POLQ: variants seen among roughly 807,000 people sequenced by gnomAD.
The protein encoded by POLQ is DNA polymerase theta, also known as epididymis secretory sperm binding protein.
A neutral mutation model predicts 259.2 loss-of-function variants in POLQ; 233 were observed. The ratio of observed to expected loss-of-function variants is 0.90; its 90% CI spans 0.81 to 1.00. POLQ has a LOEUF of 1.00. Among genes scored for constraint, POLQ ranks in the 50% least tolerant of loss-of-function variants. The pLI, the probability that POLQ is intolerant of heterozygous loss-of-function variation, is 0.00. For synonymous variants in POLQ, 1,025 were observed against 1,048.8 expected (o/e 0.98, Z 0.44); for missense variants, 2,871 against 3,051.6 (o/e 0.94, Z 1.39).
At chr3:121,486,045 A>C (rs2048008280) in intron 16 of POLQ, among the ~76,000 whole-genome samples, 1 of 152,204 alleles carries the variant, frequency 6.6e-6, no homozygotes, top group African/African-American at 2.4e-5. Context: ...TATTTGACCA[A>C]AAGGTTCAAC....
intron 5 of POLQ, among the ~76,000 whole-genome samples, chr3:121,533,572 A>C (rs148428899): frequency 0.024 from 3,576 of 152,082 alleles, 136 homozygotes; most frequent in African/African-American, 0.082. Flanking sequence ...CTGGAGTGCA[A>C]TGGACCTGTC....
intron 25 of POLQ, among the ~76,000 whole-genome samples, chr3:121,453,402 C>G (rs931538286): frequency 6.6e-6 from 1 of 152,164 alleles, no homozygotes; most frequent in East Asian, 1.9e-4. Context: ...ATGACTTTGA[C>G]GAGTTGAGAG....
chr3:121,506,157 C>A (rs1560102295), intron 12 of POLQ, among the ~76,000 whole-genome samples: 2 of 151,410 alleles, frequency 1.3e-5, no homozygotes, highest in Non-Finnish European at 1.5e-5. Flanking sequence ...AACTACTAGA[C>A]AAAACATACA....
intron 5 of POLQ, among the ~76,000 whole-genome samples, chr3:121,534,333 A>C (rs1035854484): frequency 6.9e-6 from 1 of 145,480 alleles, no homozygotes. Context: ...GCATTATTTT[A>C]CTTTTTTTTT....
intron 14 of POLQ, among the ~76,000 whole-genome samples, chr3:121,496,270 G>A (rs984467035): frequency 3.3e-5 from 5 of 149,994 alleles, no homozygotes; most frequent in Admixed American, 2.0e-4. Flanking sequence ...TCTGCCTCCC[G>A]GGTTCAAGCA....
At chr3:121,452,764 C>A (rs992082183) in intron 25 of POLQ, among the ~76,000 whole-genome samples, 92 of 152,204 alleles carry the variant, frequency 6.0e-4, no homozygotes, top group Non-Finnish European at 6.8e-4. Context: ...CCCACCACAG[C>A]TCAAGGAGGC....
At chr3:121,494,353 G>A (rs2048096936) in intron 14 of POLQ, 2 of 1,597,702 alleles carry the variant, frequency 1.3e-6, no homozygotes, top group Non-Finnish European at 1.7e-6. Flanking sequence ...CGATTAACCA[G>A]TTCACCCAGG....
At chr3:121,539,663 G>T in intron 3 of POLQ, 74 bp from the exon 4 acceptor site, 1 of 1,101,624 alleles carries the variant, frequency 9.1e-7, no homozygotes, top group Non-Finnish European at 1.4e-6. Context: ...TTCTATCCCA[G>T]AACATAGACA....
At chr3:121,432,516 C>T in intron 29 of POLQ, 99 bp from the exon 30 acceptor site, 1 of 1,177,186 alleles carries the variant, frequency 8.5e-7, no homozygotes, top group Non-Finnish European at 1.2e-6. Flanking sequence ...AGCTCTTCAC[C>T]CAATGGTGCT....
At chr3:121,504,436 GCT>G (rs1443311683) in intron 12 of POLQ, among the ~76,000 whole-genome samples, 1 of 151,980 alleles carries the variant, frequency 6.6e-6, no homozygotes, top group African/African-American at 2.4e-5. Context: ...GGCCCAAGTG[GCT>G]TGACTGGTGA....
chr3:121,494,675 C>T, intron 14 of POLQ: 14 of 1,574,568 alleles, frequency 8.9e-6, no homozygotes, highest in Non-Finnish European at 1.2e-5. Context: ...GAAGGCAAGA[C>T]TGGGACGTCT....
intron 7 of POLQ, among the ~76,000 whole-genome samples, chr3:121,528,499 A>G (rs1560107666): frequency 1.3e-5 from 2 of 151,816 alleles, no homozygotes; most frequent in Non-Finnish European, 2.9e-5. Context: ...GTGCACCACC[A>G]CACCCAGCTA....
intron 16 of POLQ, among the ~76,000 whole-genome samples, chr3:121,486,333 G>A (rs1035703685): frequency 1.3e-5 from 2 of 151,210 alleles, no homozygotes; most frequent in Non-Finnish European, 2.9e-5. Context: ...GGTGGATCAC[G>A]AGGTCAGGGG....
intron 25 of POLQ, among the ~76,000 whole-genome samples, chr3:121,451,781 TCCGTG>T (rs2047679467): frequency 2.6e-5 from 4 of 152,196 alleles, no homozygotes. Flanking sequence ...GATCTCAAAC[TCCGTG>T]CGGGGAGAAC....
rs146821912 is a variant in POLQ, at chr3:121,492,153, T to G, written c.2522+1325A>C. 7.6e-4 allele frequency among the ~76,000 whole-genome samples: 115 copies of G among 152,110 alleles called. 2 individuals carry two copies. In the East Asian group the frequency reaches 0.022, roughly 29 times the overall value. On this transcript the variant is annotated intron_variant, in intron 15 of 29. Transcript: ENST00000264233. ...CCCACACAGGTTAAGGTCTCAGAGC[T>G]GGGAGTCAGGTTTAAAGTGAGTGGG...
intron 7 of POLQ, among the ~76,000 whole-genome samples, chr3:121,526,901 A>G (rs199719376): frequency 6.8e-6 from 1 of 147,180 alleles, no homozygotes; most frequent in Admixed American, 6.8e-5. Flanking sequence ...GCGCGCGCGC[A>G]CGCACGTGCA....
intron 12 of POLQ, 67 bp from the exon 13 acceptor site, chr3:121,498,737 T>A: frequency 9.1e-7 from 1 of 1,103,132 alleles, no homozygotes; most frequent in Non-Finnish European, 1.3e-6. Flanking sequence ...ATATACAACC[T>A]TCATATTAAA....
intron 20 of POLQ, among the ~76,000 whole-genome samples, chr3:121,475,118 G>A (rs968651087): frequency 1.4e-4 from 21 of 152,092 alleles, no homozygotes; most frequent in African/African-American, 4.3e-4. Context: ...GATTCCTCCT[G>A]TTTATCTGAA....
intron 5 of POLQ, among the ~76,000 whole-genome samples, chr3:121,534,121 C>G (rs1371310096): frequency 2.0e-5 from 3 of 152,070 alleles, no homozygotes; most frequent in Non-Finnish European, 4.4e-5. Flanking sequence ...CGTGATCCAC[C>G]CACCTCAGCC....
Sources: allele counts gnomAD v4.1 joint callset (sites outside exome capture counted in the v4.1 genomes callset), GRCh38; gene constraint gnomAD v4.1.1; transcripts MANE v1.5; gene names NCBI Gene and HGNC (gene_info 2026-07-23, HGNC 2026-07-21).